The following SNAP91 variants were observed in gnomAD, a reference collection of about 807,000 sequenced individuals.
SNAP91 encodes synaptosome associated protein 91.
Under a neutral mutation model 100.3 loss-of-function variants are expected in SNAP91, and 27 were observed. The ratio of observed to expected loss-of-function variants is 0.27; its 90% CI spans 0.20 to 0.37. The LOEUF (loss-of-function observed/expected upper bound fraction) is 0.37, where lower values mean the gene tolerates loss of function less well. Among genes scored for constraint, SNAP91 ranks in the 10% least tolerant of loss-of-function variants. SNAP91 has a pLI of 1.00. For missense variants in SNAP91, 986 were observed against 1,123.7 expected (o/e 0.88, Z 1.75); for synonymous variants, 404 against 398.6 (o/e 1.01, Z -0.16).
At chr6:83,573,066 G>A (rs1329772826) in intron 26 of SNAP91, among the ~76,000 whole-genome samples, 1 of 152,186 alleles carries the variant, frequency 6.6e-6, no homozygotes, top group Non-Finnish European at 1.5e-5. Flanking sequence ...TGGGACTAAA[G>A]ACTTGTAGCA....
chr6:83,614,913 T>C (rs1319854501), intron 10 of SNAP91, 51 bp from the exon 11 acceptor site: 3 of 1,456,218 alleles, frequency 2.1e-6, no homozygotes, highest in African/African-American at 1.4e-5. Flanking sequence ...TAGTTAACTA[T>C]TATAGTTCAT....
intron 7 of SNAP91, 36 bp from the exon 8 acceptor site, chr6:83,641,238 G>T: frequency 2.1e-6 from 2 of 935,202 alleles, no homozygotes; most frequent in East Asian, 3.0e-5. Context: ...TTTGAAAAGA[G>T]TATTATGTTC....
chr6:83,620,887 A>AT (rs1005121557), intron 9 of SNAP91, among the ~76,000 whole-genome samples: 16 of 149,644 alleles, frequency 1.1e-4, no homozygotes, highest in South Asian at 2.1e-4. Flanking sequence ...AATTTTTTGT[A>AT]TTTTTTTTTA....
At chr6:83,679,586 T>C (rs1050318021) in intron 2 of SNAP91, among the ~76,000 whole-genome samples, 1 of 152,134 alleles carries the variant, frequency 6.6e-6, no homozygotes, top group African/African-American at 2.4e-5. Flanking sequence ...TCTGAGATCC[T>C]TGACCAGGCC....
At chr6:83,699,082 C>A (rs1206994627) in intron 2 of SNAP91, among the ~76,000 whole-genome samples, 1 of 152,144 alleles carries the variant, frequency 6.6e-6, no homozygotes, top group Admixed American at 6.5e-5. Flanking sequence ...AATGGCAGCA[C>A]CTGTGGAACC....
intron 22 of SNAP91, among the ~76,000 whole-genome samples, chr6:83,589,414 G>T (rs992202437): frequency 6.6e-6 from 1 of 152,062 alleles, no homozygotes. Flanking sequence ...CTTGAACAAG[G>T]GTGAGAAATA....
chr6:83,604,915 C>G (rs1011062712), intron 14 of SNAP91, among the ~76,000 whole-genome samples: 3 of 152,064 alleles, frequency 2.0e-5, no homozygotes, highest in African/African-American at 7.2e-5. Flanking sequence ...ATTTCTGTTG[C>G]TCCTATAGTT....
chr6:83,610,375 G>A (rs1321447212), intron 12 of SNAP91, among the ~76,000 whole-genome samples: 4 of 151,572 alleles, frequency 2.6e-5, no homozygotes, highest in African/African-American at 7.3e-5. Context: ...TTCTATATGC[G>A]CTCACATATA....
chr6:83,682,496 T>G (rs1431809192), intron 2 of SNAP91, among the ~76,000 whole-genome samples: 1 of 152,040 alleles, frequency 6.6e-6, no homozygotes, highest in African/African-American at 2.4e-5. Context: ...CTTGAGCCAC[T>G]GCACCTGGCC....
chr6:83,575,358 A>G, intron 25 of SNAP91: 1 of 501,714 alleles, frequency 2.0e-6, no homozygotes, highest in South Asian at 2.4e-5. Flanking sequence ...AAGTATAGGA[A>G]TTTCCTATCC....
At chr6:83,660,442 T>C (rs1463748355) in intron 5 of SNAP91, among the ~76,000 whole-genome samples, 1 of 152,220 alleles carries the variant, frequency 6.6e-6, no homozygotes, top group Admixed American at 6.5e-5. Context: ...TACATCTTTT[T>C]GTGTGGATTC....
intron 28 of SNAP91, among the ~76,000 whole-genome samples, chr6:83,559,903 T>A (rs1054329591): frequency 6.6e-6 from 1 of 152,150 alleles, no homozygotes; most frequent in Non-Finnish European, 1.5e-5. Context: ...AATGGAGGGA[T>A]CTTTAGACAG....
chr6:83,624,819 A>C (rs1465444481), intron 8 of SNAP91, among the ~76,000 whole-genome samples: 1 of 152,166 alleles, frequency 6.6e-6, no homozygotes, highest in African/African-American at 2.4e-5. Context: ...TCTGGATCAA[A>C]TAATGTTTGA....
At chr6:83,567,235 T>TATTTTGTCTAAA (rs1797952713) in intron 26 of SNAP91, among the ~76,000 whole-genome samples, 1 of 152,216 alleles carries the variant, frequency 6.6e-6, no homozygotes, top group African/African-American at 2.4e-5. Context: ...AGCTCAACTT[T>TATTTTGTCTAAA]GTTAAATTTA....
intron 2 of SNAP91, among the ~76,000 whole-genome samples, chr6:83,680,617 A>G (rs2098975672): frequency 6.6e-6 from 1 of 152,138 alleles, no homozygotes; most frequent in South Asian, 2.1e-4. Context: ...ATGATATACA[A>G]GTTTGCGGGT....
chr6:83,686,082 A>G (rs1258274485), intron 2 of SNAP91: 1 of 800,816 alleles, frequency 1.2e-6, no homozygotes, highest in East Asian at 1.3e-4. Flanking sequence ...CACAGTAGAC[A>G]CTGATTAAAT....
At chr6:83,622,826 T>C (rs1037455771) in intron 9 of SNAP91, among the ~76,000 whole-genome samples, 10 of 152,084 alleles carry the variant, frequency 6.6e-5, no homozygotes, top group Non-Finnish European at 1.5e-5. Context: ...TACATGGACA[T>C]TTCTCCATTT....
At chr6:83,677,823 C>T (rs191235630) in intron 2 of SNAP91, among the ~76,000 whole-genome samples, 2 of 152,084 alleles carry the variant, frequency 1.3e-5, no homozygotes, top group Non-Finnish European at 2.9e-5. Flanking sequence ...CAGAAATTTA[C>T]AGGAATAGAA....
chr6:83,642,435 C>T (rs912135865), intron 7 of SNAP91, among the ~76,000 whole-genome samples: 3 of 152,048 alleles, frequency 2.0e-5, no homozygotes, highest in African/African-American at 7.2e-5. Context: ...TGAGAACATG[C>T]AGTGTTTGGT....
Sources: allele counts gnomAD v4.1 joint callset (sites outside exome capture counted in the v4.1 genomes callset), GRCh38; gene constraint gnomAD v4.1.1; transcripts MANE v1.5; gene names NCBI Gene and HGNC (gene_info 2026-07-23, HGNC 2026-07-21).